Variants in ATP1A2 observed in about 807,000 individuals in gnomAD.
ATP1A2 encodes the protein sodium/potassium-transporting ATPase subunit alpha-2.
A neutral mutation model predicts 113.1 loss-of-function variants in ATP1A2; 56 were observed. The ratio of observed to expected loss-of-function variants is 0.49; its 90% CI spans 0.40 to 0.62. The LOEUF is 0.62. ATP1A2 is among the 20% of genes least tolerant of loss of function. The pLI is 0.00. For synonymous variants in ATP1A2, 490 were observed against 526.8 expected, an observed-to-expected ratio of 0.93 and a Z score of 0.96; for missense variants, 712 against 1,357.8, an observed-to-expected ratio of 0.52 and a Z score of 7.47.
chr1:160,132,975 A>T (rs776273204), intron 13 of ATP1A2, among the ~76,000 whole-genome samples: 8 of 152,044 alleles, frequency 5.3e-5, no homozygotes, highest in Admixed American at 1.3e-4. Flanking sequence ...AATCTTCATG[A>T]CCACCTAGAA....
chr1:160,134,624 A>G lies in ATP1A2; in HGVS notation c.1964+4A>G. On this transcript the variant is annotated splice_donor_region_variant and intron_variant, in intron 14 of 22. Transcript: ENST00000361216. ...CCATGAGTCAAGTCAACCCCAGGTGAGGCCTCTGCAGGAAGCCCCTGTGCC... is the reference window on the plus strand; with the variant it reads ...CCATGAGTCAAGTCAACCCCAGGTGGGGCCTCTGCAGGAAGCCCCTGTGCC... 6.2e-7 allele frequency: 1 copy of G among 1,614,170 alleles called. No homozygotes were observed. The highest frequency in any genetic ancestry group is 8.5e-7 in the Non-Finnish European group (1 of 1,180,016).
chr1:160,117,861 G>C (rs1241949957), intron 1 of ATP1A2, among the ~76,000 whole-genome samples: 1 of 151,962 alleles, frequency 6.6e-6, no homozygotes, highest in African/African-American at 2.4e-5. Flanking sequence ...CCCCCACTCT[G>C]TCCCAGCCTC....
intron 12 of ATP1A2, 34 bp from the exon 13 acceptor site, chr1:160,130,388 G>A (rs1293958668): frequency 6.2e-7 from 1 of 1,614,188 alleles, no homozygotes; most frequent in Non-Finnish European, 8.5e-7. Flanking sequence ...AAGCCACTCT[G>A]CGGATCTCAC....
intron 1 of ATP1A2, among the ~76,000 whole-genome samples, chr1:160,118,994 A>C (rs1388807229): frequency 2.0e-5 from 3 of 152,044 alleles, no homozygotes; most frequent in African/African-American, 7.2e-5. Flanking sequence ...CCAAACCCAT[A>C]GAATGTACAC....
Position 160,134,574 on chromosome 1 carries a change from G to A in ATP1A2, c.1918G>A (p.Asp640Asn). 2.5e-6 allele frequency: 4 copies of A among 1,614,228 alleles called. No homozygotes were observed. The highest frequency in any genetic ancestry group is 3.4e-6 in the Non-Finnish European group (4 of 1,180,048). The change falls in exon 14 of 23, where the codon GAC becomes AAC. Residue 640 changes from aspartate (D) to asparagine (N), a missense_variant. Asp to Asn is a conservative substitution (Grantham distance 23, BLOSUM62 1). This residue lies in a region of ATP1A2 where 263 missense variants were observed against 380.6 expected (regional missense o/e 0.69). Coordinates refer to ENST00000361216, the MANE Select transcript of ATP1A2 (RefSeq NM_000702.4). ...IISEGNETVE[D>N]IAARLNIPMS... ...ATCAGAGGGTAACGAGACTGTGGAGGACATTGCAGCCCGGCTCAACATTCC... is the reference window on the plus strand; with the variant it reads ...ATCAGAGGGTAACGAGACTGTGGAGAACATTGCAGCCCGGCTCAACATTCC...
At chr1:160,134,239 A>ACC (rs1651863062) in intron 13 of ATP1A2, among the ~76,000 whole-genome samples, 2 of 141,526 alleles carry the variant, frequency 1.4e-5, no homozygotes, top group African/African-American at 5.3e-5. Context: ...CCCCACCCAC[A>ACC]CACACACACA....
chr1:160,117,979 C>T (rs1216482275), intron 1 of ATP1A2, among the ~76,000 whole-genome samples: 1 of 152,078 alleles, frequency 6.6e-6, no homozygotes, highest in East Asian at 1.9e-4. Context: ...GGGGTCCTTG[C>T]TTCCTCTCTT....
Position 160,135,048 on chromosome 1 carries a change from G to A in ATP1A2, c.1965-97G>A, listed in dbSNP as rs1408467461. On this transcript the variant is annotated intron_variant, in intron 14 of 22. Transcript: ENST00000361216. This position sits in a 1 kb window ranked among gnomAD's most constrained non-coding sequence, Gnocchi z 6.3. ...GCAACAGGGGAAGCAGGCTCAGCAG[G>A]GAGCCTGCAGGCTGCGGTGGTGAAG... The A allele has an allele frequency of 2.0e-6, 3 of 1,501,180 alleles. No individual in the cohort carries two copies. The highest frequency in any genetic ancestry group is 2.8e-5 in the African/African-American group (2 of 72,544). The allele number at this position is 1,501,180 out of a possible 1,614,324, so 93.0% of individuals were successfully genotyped here.
At chr1:160,140,088 G>C in intron 22 of ATP1A2, 104 bp downstream of exon 22, 1 of 1,195,132 alleles carries the variant, frequency 8.4e-7, no homozygotes, top group East Asian at 2.3e-5. Flanking sequence ...TCCTGCTTCT[G>C]TTCCTCAACA....
intron 20 of ATP1A2, among the ~76,000 whole-genome samples, chr1:160,137,937 C>T (rs1333306960): frequency 6.6e-6 from 1 of 152,036 alleles, no homozygotes; most frequent in African/African-American, 2.4e-5. Flanking sequence ...AAGGAGATTC[C>T]AGTAAGCTAA....
intron 1 of ATP1A2, among the ~76,000 whole-genome samples, chr1:160,119,256 CAA>C (rs386368465): frequency 1.6e-4 from 8 of 49,430 alleles, no homozygotes; most frequent in Admixed American, 3.9e-4. Context: ...CATTATCCTG[CAA>C]AAAAAAAAAA....
rs780057745 is a variant in ATP1A2 at position 160,135,800 on chromosome 1, C to A, written c.2285-39C>A. On this transcript the variant is annotated intron_variant, in intron 16 of 22. Coordinates refer to ENST00000361216, the MANE Select transcript of ATP1A2 (RefSeq NM_000702.4). The surrounding 1 kb of genome is among the most constrained non-coding windows in gnomAD (Gnocchi z 6.3). ...TCAGGGGCTGGGGGTGGGGAAGAGT[C>A]CCTCTGACCTCCCTGATGCCCTCAG... 4 of 1,613,858 alleles carry A rather than the reference C, an allele frequency of 2.5e-6. No individual in the cohort carries two copies. The highest frequency in any genetic ancestry group is 3.3e-5 in the Admixed American group (2 of 59,986).
At chr1:160,117,247 G>A (rs1188277662) in intron 1 of ATP1A2, among the ~76,000 whole-genome samples, 1 of 152,078 alleles carries the variant, frequency 6.6e-6, no homozygotes, top group Non-Finnish European at 1.5e-5. Flanking sequence ...GGCTCCCCAT[G>A]GAAAGGGCAT....
chr1:160,123,909 A>T, intron 4 of ATP1A2, 34 bp from the exon 5 acceptor site: 4 of 1,599,870 alleles, frequency 2.5e-6, no homozygotes, highest in Non-Finnish European at 3.4e-6. Flanking sequence ...GTTGGGGGGA[A>T]GGTCAGGTCC....
At chr1:160,116,612 TG>T (rs1224376458) in intron 1 of ATP1A2, among the ~76,000 whole-genome samples, 2 of 151,526 alleles carry the variant, frequency 1.3e-5, no homozygotes, top group African/African-American at 4.9e-5. Flanking sequence ...TTAACAACAA[TG>T]GGGCGGGCAG....
intron 3 of ATP1A2, among the ~76,000 whole-genome samples, chr1:160,122,024 C>A (rs900672047): frequency 4.6e-5 from 7 of 152,054 alleles, no homozygotes; most frequent in Admixed American, 3.9e-4. Context: ...CCCACCTACT[C>A]GAGAGGCTGA....
At chr1:160,139,084 G>A (rs1467552122) in intron 20 of ATP1A2, among the ~76,000 whole-genome samples, 1 of 152,172 alleles carries the variant, frequency 6.6e-6, no homozygotes, top group Non-Finnish European at 1.5e-5. Flanking sequence ...TGCAGAAACT[G>A]CCCTGAGAAC....
rs1651741944 is a variant in ATP1A2 at position 160,130,610 on chromosome 1, C to T, written c.1827+13C>T. Reference sequence around the variant, plus strand: ...CGCAGGCATCAAGGTACTGGCCTCCCATCCTCCCCTCCATTCTAGCCTCCC... The same window carrying T: ...CGCAGGCATCAAGGTACTGGCCTCCTATCCTCCCCTCCATTCTAGCCTCCC... On this transcript the variant is annotated intron_variant, in intron 13 of 22. Transcript: ENST00000361216. The T allele has an allele frequency of 1.2e-6, 2 of 1,614,052 alleles. No homozygotes were observed. The highest frequency in any genetic ancestry group is 1.7e-6 in the Non-Finnish European group (2 of 1,180,008).
At chr1:160,137,145 A>G in intron 20 of ATP1A2, 114 bp downstream of exon 20, 1 of 1,534,898 alleles carries the variant, frequency 6.5e-7, no homozygotes, top group South Asian at 1.1e-5. Flanking sequence ...AGGGCATCAG[A>G]TTTTAATCTT....
Sources: gnomAD v4.1 joint callset for allele counts (sites outside exome capture counted in the v4.1 genomes callset) on GRCh38, gnomAD v4.1.1 for gene constraint, gnomAD v4.1.1 regional missense constraint, Gnocchi (gnomAD v3.1) non-coding constraint, MANE v1.5 for transcripts, NCBI Gene and HGNC (gene_info 2026-07-23, HGNC 2026-07-21) for gene names.